KLHL2: variants seen among roughly 807,000 people sequenced by gnomAD.
KLHL2 encodes the protein kelch-like protein 2.
A neutral mutation model predicts 75.8 loss-of-function variants in KLHL2; 15 were observed. The ratio of observed to expected loss-of-function variants is 0.20; its 90% confidence interval spans 0.13 to 0.30. KLHL2 has a LOEUF of 0.30. KLHL2 is among the 10% of genes least tolerant of loss of function. KLHL2 has a pLI of 1.00. For missense variants in KLHL2, 381 were observed against 741.0 expected, an observed-to-expected ratio of 0.51 and a Z score of 5.64; for synonymous variants, 214 against 251.9, an observed-to-expected ratio of 0.85 and a Z score of 1.42.
intron 1 of KLHL2, among the ~76,000 whole-genome samples, chr4:165,213,298 C>T (rs1207224299): frequency 3.9e-5 from 6 of 152,176 alleles, no homozygotes; most frequent in Admixed American, 3.9e-4. Flanking sequence ...TTTTAACCCT[C>T]CAACATCTTA....
chr4:165,207,828 C>T lies in KLHL2; in HGVS notation c.-49C>T. The T allele has an allele frequency of 1.4e-6, 2 of 1,430,734 alleles. No individual in the cohort carries two copies. Among genetic ancestry groups the T allele is most frequent in the Non-Finnish European group, 1.8e-6 (2 of 1,081,830 alleles). The allele number at this position is 1,430,734 out of a possible 1,614,324, so 88.6% of individuals were successfully genotyped here. On this transcript the variant is annotated 5_prime_UTR_variant, in exon 1 of 15. Transcript: ENST00000226725. The surrounding 1 kb of genome is among the most constrained non-coding windows in gnomAD (Gnocchi z 4.2). Reference sequence around the variant, plus strand: ...GCCGGCGTCCGCGGCTGGAATGGTGCTGGCTGTGTTGGTCGGTGCCTGCGT... The same window carrying T: ...GCCGGCGTCCGCGGCTGGAATGGTGTTGGCTGTGTTGGTCGGTGCCTGCGT...
chr4:165,291,659 G>T (rs1282940541), intron 5 of KLHL2, among the ~76,000 whole-genome samples: 1 of 151,894 alleles, frequency 6.6e-6, no homozygotes, highest in Non-Finnish European at 1.5e-5. Context: ...CTCTTTCTGG[G>T]CTCTCTATTC....
chr4:165,241,941 A>G (rs1270715826), intron 4 of KLHL2, among the ~76,000 whole-genome samples: 1 of 152,200 alleles, frequency 6.6e-6, no homozygotes, highest in Admixed American at 6.5e-5. Context: ...TATACAAGCA[A>G]TAGGGCTTTA....
intron 5 of KLHL2, among the ~76,000 whole-genome samples, chr4:165,263,802 ATTGTTTTTTTTTTTTTT>A (rs1239729973): frequency 2.1e-5 from 2 of 93,532 alleles, no homozygotes; most frequent in Non-Finnish European, 4.6e-5. Context: ...GATTTTTTAC[ATTGTTTTTTTTTTTTTT>A]TTTTTTTTTT....
At chr4:165,245,432 C>T (rs1301757500) in intron 4 of KLHL2, among the ~76,000 whole-genome samples, 1 of 152,068 alleles carries the variant, frequency 6.6e-6, no homozygotes, top group African/African-American at 2.4e-5. Flanking sequence ...TCTTATGTTT[C>T]TGGCTAGTCT....
At chr4:165,236,336 A>G (rs1739346766) in intron 3 of KLHL2, among the ~76,000 whole-genome samples, 1 of 152,226 alleles carries the variant, frequency 6.6e-6, no homozygotes, top group African/African-American at 2.4e-5. Context: ...GAGGTTACAA[A>G]TGGTAAGGAT....
Position 165,299,599 on chromosome 4 carries a change from G to A in KLHL2, c.864G>A (p.Gln288=), listed in dbSNP as rs1745192729. 1 of 1,613,968 alleles carries A rather than the reference G, an allele frequency of 6.2e-7. No homozygotes were observed. The highest frequency in any genetic ancestry group is 1.3e-5 in the African/African-American group (1 of 75,030). ...AMKYHLLPTE[Q]RILMKSVRTR... Reference sequence around the variant, plus strand: ...AGTACCATTTGCTGCCAACAGAGCAGCGTATATTAATGAAGAGTGTCCGGA... The same window carrying A: ...AGTACCATTTGCTGCCAACAGAGCAACGTATATTAATGAAGAGTGTCCGGA... Residue 288 remains glutamine, a synonymous_variant, in exon 8 of 15, where the codon CAG becomes CAA. Transcript: ENST00000226725.
chr4:165,214,630 C>G (rs1737410990), intron 1 of KLHL2, among the ~76,000 whole-genome samples: 1 of 152,186 alleles, frequency 6.6e-6, no homozygotes, highest in South Asian at 2.1e-4. Flanking sequence ...TCCCCACACA[C>G]TTAACATACA....
At chr4:165,289,006 G>A (rs997668296) in intron 5 of KLHL2, among the ~76,000 whole-genome samples, 4 of 152,202 alleles carry the variant, frequency 2.6e-5, no homozygotes, top group Non-Finnish European at 5.9e-5. Context: ...TAAAATAACA[G>A]GTGAGCTGCA....
At chr4:165,239,573 T>A (rs569443051) in intron 4 of KLHL2, among the ~76,000 whole-genome samples, 1 of 152,324 alleles carries the variant, frequency 6.6e-6, no homozygotes, top group African/African-American at 2.4e-5. Flanking sequence ...AGCCTATTCT[T>A]TGTTTTACTA....
intron 9 of KLHL2, among the ~76,000 whole-genome samples, chr4:165,309,433 G>A (rs925228245): frequency 6.6e-6 from 1 of 152,192 alleles, no homozygotes; most frequent in Non-Finnish European, 1.5e-5. Context: ...CCTGAGTCTA[G>A]CAGTCTAGTT....
chr4:165,210,111 C>A (rs1304434396), intron 1 of KLHL2: 1 of 1,551,632 alleles, frequency 6.4e-7, no homozygotes, highest in Non-Finnish European at 8.7e-7. Flanking sequence ...AGCTTTAAGT[C>A]AAAGAAAGAT....
Position 165,310,947 on chromosome 4 carries a change from C to T in KLHL2, c.1237+197C>T, listed in dbSNP as rs890186980. 5.3e-5 allele frequency among the ~76,000 whole-genome samples: 8 copies of T among 151,352 alleles called. No individual in the cohort carries two copies. The East Asian group carries it at 5.8e-4, about 11-fold the overall frequency. On this transcript the variant is annotated intron_variant, in intron 10 of 14. Transcript: ENST00000226725. ...TCGGCTCACTGCAAGCTCCGCCTGC[C>T]GGGTTCATGCCATTCTCCTGCCTCA... is the stretch of plus-strand genomic sequence containing the variant.
chr4:165,292,341 A>T (rs1560811107), intron 5 of KLHL2, among the ~76,000 whole-genome samples: 1 of 150,200 alleles, frequency 6.7e-6, no homozygotes, highest in African/African-American at 2.5e-5. Context: ...GAACTTTTTT[A>T]TTTTTTTTTG....
At chr4:165,231,590 A>C (rs1286647368) in intron 3 of KLHL2, among the ~76,000 whole-genome samples, 1 of 152,172 alleles carries the variant, frequency 6.6e-6, no homozygotes, top group Non-Finnish European at 1.5e-5. Context: ...TTTCAAAGGA[A>C]GGTTTGCTGT....
Position 165,210,608 on chromosome 4 carries a change from C to T in KLHL2, c.26+2706C>T, listed in dbSNP as rs72993961. Among the ~76,000 whole-genome samples, 574 of 152,184 alleles carry T rather than the reference C, an allele frequency of 3.8e-3. 5 individuals are homozygous for T. The highest frequency in any genetic ancestry group is 0.013 in the African/African-American group (555 of 41,514). On this transcript the variant is annotated intron_variant, in intron 1 of 14. Coordinates refer to ENST00000226725, the MANE Select transcript of KLHL2 (RefSeq NM_007246.4). ...GTGTTACATTTGCTTCTGATCAAAC[C>T]TGAAAGATGTGTAACTAAAAGATGT...
intron 5 of KLHL2, among the ~76,000 whole-genome samples, chr4:165,281,376 TG>T (rs969301930): frequency 1.3e-5 from 2 of 150,506 alleles, no homozygotes; most frequent in African/African-American, 4.9e-5. Flanking sequence ...AGTGCAGTGG[TG>T]CGATCTCGGC....
At chr4:165,277,843 T>C in intron 5 of KLHL2, 1 of 752,168 alleles carries the variant, frequency 1.3e-6, no homozygotes, top group Non-Finnish European at 2.4e-6. Context: ...GCCACAGGTC[T>C]ACTTGGAGGG....
At chr4:165,302,747 A>G (rs937103207) in intron 8 of KLHL2, among the ~76,000 whole-genome samples, 12 of 152,192 alleles carry the variant, frequency 7.9e-5, no homozygotes, top group African/African-American at 2.7e-4. Flanking sequence ...TTCAGTTAGA[A>G]TCTTGATTTT....
Sources: gnomAD v4.1 joint callset for allele counts (sites outside exome capture counted in the v4.1 genomes callset) on GRCh38, gnomAD v4.1.1 for gene constraint, Gnocchi (gnomAD v3.1) non-coding constraint, MANE v1.5 for transcripts, NCBI Gene and HGNC (gene_info 2026-07-23, HGNC 2026-07-21) for gene names.